Variants in HECW1 observed in about 807,000 individuals in gnomAD.
The protein encoded by HECW1 is HECT, C2 and WW domain containing E3 ubiquitin protein ligase 1.
HECW1 carries 61 observed loss-of-function variants against 182.3 expected under a neutral mutation model. The observed-to-expected ratio is 0.33, with a 90% confidence interval of 0.27 to 0.41. The LOEUF is 0.41. Among genes scored for constraint, HECW1 ranks in the 10% least tolerant of loss-of-function variants. The pLI is 1.00. For missense variants in HECW1, 1,739 were observed against 2,108.9 expected (o/e 0.82, Z 3.44); for synonymous variants, 859 against 832.6 (o/e 1.03, Z -0.55).
intron 3 of HECW1, among the ~76,000 whole-genome samples, chr7:43,305,816 A>G (rs1438831163): frequency 2.0e-5 from 3 of 150,212 alleles, no homozygotes; most frequent in East Asian, 3.9e-4. Flanking sequence ...GCTGGAGTTC[A>G]ATGGCACGAT....
At chr7:43,551,474 T>C (rs1346997006) in intron 27 of HECW1, among the ~76,000 whole-genome samples, 11 of 151,838 alleles carry the variant, frequency 7.2e-5, no homozygotes, top group Non-Finnish European at 1.2e-4. Context: ...AAATAAGTCA[T>C]AATTGCATGT....
intron 6 of HECW1, among the ~76,000 whole-genome samples, chr7:43,368,466 G>T (rs183145756): frequency 6.8e-4 from 104 of 152,328 alleles, no homozygotes; most frequent in Admixed American, 1.8e-3. Context: ...CTAATTTCAG[G>T]TTTGATCAGC....
intron 27 of HECW1, 150 bp downstream of exon 27, chr7:43,550,741 T>G: frequency 1.4e-6 from 1 of 726,362 alleles, no homozygotes; most frequent in Non-Finnish European, 2.3e-6. Context: ...CGAGTGCTCC[T>G]CACCAGGGAG....
chr7:43,330,425 A>G (rs1811319435), intron 5 of HECW1, among the ~76,000 whole-genome samples: 2 of 152,228 alleles, frequency 1.3e-5, no homozygotes, highest in Non-Finnish European at 2.9e-5. Flanking sequence ...CCGCAGGAGA[A>G]CTGCCATGCT....
At chr7:43,263,656 G>A (rs1801431847) in intron 3 of HECW1, among the ~76,000 whole-genome samples, 2 of 152,040 alleles carry the variant, frequency 1.3e-5, no homozygotes, top group Admixed American at 1.3e-4. Flanking sequence ...ACTGCTCCTG[G>A]CCCTGAGCTC....
At chr7:43,241,605 T>G (rs982561113) in intron 2 of HECW1, 6 of 149,842 alleles carry the variant, frequency 4.0e-5, no homozygotes, top group African/African-American at 1.5e-4. Context: ...TTCTTTTTAC[T>G]CTCCTAATGT....
chr7:43,250,338 G>T (rs533609844), intron 3 of HECW1, among the ~76,000 whole-genome samples: 1 of 152,208 alleles, frequency 6.6e-6, no homozygotes, highest in African/African-American at 2.4e-5. Flanking sequence ...GTTGTAGATG[G>T]GAGCATGGAC....
At chr7:43,522,963 T>C in intron 24 of HECW1, 2 of 412,038 alleles carry the variant, frequency 4.9e-6, no homozygotes, top group Admixed American at 2.6e-5. Context: ...GCCTACTCTT[T>C]GTACTGTGTG....
At chr7:43,150,880 T>G (rs12702015) in intron 2 of HECW1, 70,235 of 154,558 alleles carry the variant, frequency 0.45, 16,139 homozygotes, top group African/African-American at 0.48. Context: ...TTCAGCATCT[T>G]TATCAGCGCC....
In HECW1 at chr7:43,248,740, T is replaced by A. The variant is rs1442489169; in HGVS notation, c.27+4808T>A. 7.4e-5 allele frequency: 9 copies of A among 122,354 alleles called. No homozygotes were observed. In the Admixed American group the frequency reaches 7.6e-4, roughly 10 times the overall value. The allele number at this position is 122,354 out of a possible 1,614,324, so 7.6% of individuals were successfully genotyped here. On this transcript the variant is annotated intron_variant, in intron 3 of 29. Transcript: ENST00000395891. ...TCCTCCTCCTCCTTTTCCTCCTCCT[T>A]CTCCTGTCCCTCTTCCCCCATCTCC...
At chr7:43,324,228 A>G (rs1236680550) in intron 5 of HECW1, among the ~76,000 whole-genome samples, 1 of 152,244 alleles carries the variant, frequency 6.6e-6, no homozygotes, top group Non-Finnish European at 1.5e-5. Context: ...AGGTACTTAC[A>G]TTTTGCAAAT....
At chr7:43,540,149 T>G (rs1222783395) in intron 24 of HECW1, among the ~76,000 whole-genome samples, 1 of 152,254 alleles carries the variant, frequency 6.6e-6, no homozygotes, top group East Asian at 1.9e-4. Context: ...TCTATTCATT[T>G]TAACATCTTT....
intron 8 of HECW1, among the ~76,000 whole-genome samples, chr7:43,417,575 T>C (rs2076052378): frequency 1.3e-5 from 2 of 152,102 alleles, no homozygotes; most frequent in African/African-American, 4.8e-5. Flanking sequence ...TGAAAAAATA[T>C]GGTTCCGCCC....
Sources: allele counts gnomAD v4.1 joint callset (sites outside exome capture counted in the v4.1 genomes callset), GRCh38; gene constraint gnomAD v4.1.1; transcripts MANE v1.5; gene names NCBI Gene and HGNC (gene_info 2026-07-23, HGNC 2026-07-21).